The following ANAPC7 variants were observed in gnomAD, a reference collection of about 807,000 sequenced individuals.
ANAPC7 encodes the protein anaphase promoting complex subunit 7.
Under a neutral mutation model 63.3 loss-of-function variants are expected in ANAPC7, and 25 were observed. That is an observed-to-expected ratio of 0.39 (90% CI 0.29 to 0.55). The LOEUF (loss-of-function observed/expected upper bound fraction) is 0.55, where lower values mean the gene tolerates loss of function less well. Among genes scored for constraint, ANAPC7 ranks in the 20% least tolerant of loss-of-function variants. The pLI, the probability that ANAPC7 is intolerant of heterozygous loss-of-function variation, is 0.57. For synonymous variants in ANAPC7, 241 were observed against 251.7 expected, an observed-to-expected ratio of 0.96 and a Z score of 0.40; for missense variants, 516 against 691.7, an observed-to-expected ratio of 0.75 and a Z score of 2.85.
At chr12:110,394,669 C>CAAAAAAAAAAAAAAA (rs779142936) in intron 3 of ANAPC7, among the ~76,000 whole-genome samples, 1 of 42,788 alleles carries the variant, frequency 2.3e-5, no homozygotes, top group African/African-American at 1.1e-4. Context: ...AATTCCACCT[C>CAAAAAAAAAAAAAAA]AAAAAAAAAA....
intron 7 of ANAPC7, among the ~76,000 whole-genome samples, chr12:110,382,461 A>C (rs28610169): frequency 1.3e-4 from 4 of 30,856 alleles, no homozygotes; most frequent in Admixed American, 5.4e-4. Context: ...AAAAAAAAAA[A>C]ATATATATAT....
rs1414877075 is a variant in ANAPC7 at position 110,403,655 on chromosome 12, C to A, written c.-28G>T. 1.9e-6 allele frequency: 3 copies of A among 1,572,000 alleles called. No homozygotes were observed. The highest frequency in any genetic ancestry group is 2.7e-5 in the African/African-American group (2 of 74,164). On this transcript the variant is annotated 5_prime_UTR_variant, in exon 1 of 11. Coordinates refer to ENST00000455511, the MANE Select transcript of ANAPC7 (RefSeq NM_016238.3). The stretch of plus-strand genomic sequence containing the variant: ...TGCTCTGCAAAGCCGCGGGCAGCGG[C>A]GGCAGCACTGACTCGAAAAGCCGGT...
At chr12:110,393,593 C>G (rs1284463137) in intron 3 of ANAPC7, among the ~76,000 whole-genome samples, 1 of 152,070 alleles carries the variant, frequency 6.6e-6, no homozygotes, top group Non-Finnish European at 1.5e-5. Flanking sequence ...ATTGGCCGGG[C>G]ATGGTGGCTC....
intron 5 of ANAPC7, chr12:110,386,747 ATTCACAAGTGACACCTATTTAT>A (rs1882488649): frequency 3.6e-6 from 1 of 276,874 alleles, no homozygotes; most frequent in Non-Finnish European, 6.7e-6. Flanking sequence ...AGGTAATGTC[ATTCACAAGTGACACCTATTTAT>A]TACTCAAGTA....
At position 110,374,200 on chromosome 12, in the gene ANAPC7, T is replaced by C; in HGVS notation, c.1642A>G (p.Ser548Gly). Reference sequence around the variant, plus strand: ...GCCCACTGGGCCGCCTCACTGTCGCTGCCCTCCAGGTCCCCTTCTTCCCCA... The same window carrying C: ...GCCCACTGGGCCGCCTCACTGTCGCCGCCCTCCAGGTCCCCTTCTTCCCCA... ...GSGEEGDLEG[S>G]DSEAAQWADQ... is the part of the protein sequence containing the mutation. The change falls in exon 11 of 11, where the codon AGC becomes GGC. Residue 548 changes from serine to glycine, a missense_variant. Physicochemically the swap from Ser to Gly is moderately conservative, Grantham distance 56. Around this residue, in one of 4 missense-constraint regions of ANAPC7, gnomAD observed 122 missense variants for 212.0 expected, o/e 0.58. Transcript: ENST00000455511. 1 of 1,613,940 alleles carries C rather than the reference T, an allele frequency of 6.2e-7. No individual in the cohort carries two copies.
At chr12:110,378,379 C>T (rs954743516) in intron 8 of ANAPC7, among the ~76,000 whole-genome samples, 1 of 152,248 alleles carries the variant, frequency 6.6e-6, no homozygotes, top group Non-Finnish European at 1.5e-5. Context: ...CAGGCGTAAG[C>T]CACCGTGCCT....
intron 10 of ANAPC7, 139 bp from the exon 11 acceptor site, chr12:110,374,472 C>T: frequency 1.4e-6 from 1 of 729,826 alleles, no homozygotes; most frequent in Non-Finnish European, 2.1e-6. Context: ...CCAAACAACT[C>T]AGGCTTCCAA....
chr12:110,403,545 G>T lies in ANAPC7; in HGVS notation c.83C>A (p.Thr28Lys). 6.2e-7 allele frequency: 1 copy of T among 1,605,164 alleles called. No homozygotes were observed. The highest frequency in any genetic ancestry group is 8.5e-7 in the Non-Finnish European group (1 of 1,176,546). The change falls in exon 1 of 11, where the codon ACA becomes AAA. Residue 28 changes from threonine to lysine, a missense_variant. Coordinates refer to ENST00000455511, the MANE Select transcript of ANAPC7 (RefSeq NM_016238.3). The part of the protein sequence containing the change: ...NVRLLSSLLL[T>K]MSNNNPELFS... ...AACTCACGGGTTGTTATTACTCATT[G>T]TAAGTAACAAGCTGCTGAGGAGCCG... is the stretch of plus-strand genomic sequence containing the variant.
intron 4 of ANAPC7, among the ~76,000 whole-genome samples, chr12:110,388,246 A>G (rs1882789133): frequency 6.6e-6 from 1 of 152,056 alleles, no homozygotes; most frequent in Non-Finnish European, 1.5e-5. Flanking sequence ...CATGTTGCCC[A>G]GGCTGGTCTC....
rs1310639120 is a variant in ANAPC7, at chr12:110,386,550, C to T, written c.675-81G>A. 2.4e-6 allele frequency: 3 copies of T among 1,234,972 alleles called. No individual in the cohort carries two copies. The Admixed American group carries it at 7.1e-5, about 29-fold the overall frequency. 76.5% of individuals were successfully genotyped at this position (1,234,972 alleles called of 1,614,324 possible). ...TGCTGAATCTGGATGATTGGTCATACAGATACTATTTTCTTTTGCATAAAT... is the reference window on the plus strand; with the variant it reads ...TGCTGAATCTGGATGATTGGTCATATAGATACTATTTTCTTTTGCATAAAT... On this transcript the variant is annotated intron_variant, in intron 5 of 10. Transcript: ENST00000455511.
chr12:110,378,018 C>G (rs1434601434), intron 8 of ANAPC7: 2 of 239,872 alleles, frequency 8.3e-6, no homozygotes, highest in African/African-American at 4.4e-5. Flanking sequence ...TGCCTCTTAA[C>G]AAGCAGTTAT....
chr12:110,374,025 C>G lies in ANAPC7; in HGVS notation c.*119G>C. 1 of 1,192,712 alleles carries G rather than the reference C, an allele frequency of 8.4e-7. No homozygotes were observed. Among genetic ancestry groups the G allele is most frequent in the Non-Finnish European group, 1.1e-6 (1 of 869,658 alleles). 73.9% of individuals were successfully genotyped at this position (1,192,712 alleles called of 1,614,324 possible). A position where few individuals can be genotyped will look rare whatever the true frequency, so the allele number is the denominator to read the frequency against. The stretch of plus-strand genomic sequence containing the variant: ...GAATTGGGAGCGAGGGGGCAGAGAC[C>G]CCTGCTGCAATCACATGCTGAATCA... On this transcript the variant is annotated 3_prime_UTR_variant, in exon 11 of 11. Transcript: ENST00000455511.
intron 3 of ANAPC7, among the ~76,000 whole-genome samples, chr12:110,390,588 T>G (rs992281509): frequency 6.6e-6 from 1 of 152,178 alleles, no homozygotes; most frequent in Non-Finnish European, 1.5e-5. Flanking sequence ...TAATATAGCA[T>G]TGATTCACAC....
intron 6 of ANAPC7, among the ~76,000 whole-genome samples, chr12:110,384,494 T>C (rs1200820951): frequency 6.6e-6 from 1 of 151,724 alleles, no homozygotes; most frequent in Non-Finnish European, 1.5e-5. Flanking sequence ...AAGACCAGCC[T>C]GGCCAAGATA....
chr12:110,399,299 C>T (rs1045296014), intron 1 of ANAPC7, among the ~76,000 whole-genome samples: 1 of 151,640 alleles, frequency 6.6e-6, no homozygotes, highest in Middle Eastern at 3.2e-3. Flanking sequence ...GGATTACAGG[C>T]GTGAGCCACT....
chr12:110,387,610 C>T (rs1020263555), intron 5 of ANAPC7, 129 bp downstream of exon 5: 1 of 1,093,192 alleles, frequency 9.1e-7, no homozygotes, highest in African/African-American at 1.6e-5. Context: ...AAAAGACTAA[C>T]ACATCCCAGA....
chr12:110,390,705 T>TA (rs1883018112), intron 3 of ANAPC7, among the ~76,000 whole-genome samples: 1 of 152,266 alleles, frequency 6.6e-6, no homozygotes, highest in Middle Eastern at 3.4e-3. Context: ...GAAAAATACT[T>TA]AAAAGGAAAA....
intron 3 of ANAPC7, among the ~76,000 whole-genome samples, chr12:110,392,090 CACAAAAAA>C (rs1241618419): frequency 4.2e-5 from 4 of 94,824 alleles, no homozygotes; most frequent in African/African-American, 8.9e-5. Context: ...GACTCCACCT[CACAAAAAA>C]AAAAAAAAAA....
At chr12:110,394,991 A>G in intron 3 of ANAPC7, 110 bp downstream of exon 3, 1 of 1,317,542 alleles carries the variant, frequency 7.6e-7, no homozygotes, top group Non-Finnish European at 1.0e-6. Flanking sequence ...AATGAGAATT[A>G]GAATCATGGG....
Sources: allele counts gnomAD v4.1 joint callset (sites outside exome capture counted in the v4.1 genomes callset), GRCh38; gene constraint gnomAD v4.1.1; regional missense constraint gnomAD v4.1.1; transcripts MANE v1.5; gene names NCBI Gene and HGNC (gene_info 2026-07-23, HGNC 2026-07-21).